The following PMEPA1 variants were observed in gnomAD, a reference collection of about 807,000 sequenced individuals.
The protein encoded by PMEPA1 is protein TMEPAI.
A neutral mutation model predicts 23.0 loss-of-function variants in PMEPA1; 11 were observed. The observed-to-expected ratio is 0.48, with a 90% confidence interval of 0.30 to 0.79. The LOEUF is 0.79. Among genes scored for constraint, PMEPA1 ranks in the 30% least tolerant of loss-of-function variants. The pLI, the probability that PMEPA1 is intolerant of heterozygous loss-of-function variation, is 0.06. For missense variants in PMEPA1, 377 were observed against 390.9 expected (o/e 0.96, Z 0.30); for synonymous variants, 204 against 166.4 (o/e 1.23, Z -1.74).
chr20:57,678,430 C>T (rs538518108), intron 1 of PMEPA1, among the ~76,000 whole-genome samples: 23 of 152,340 alleles, frequency 1.5e-4, no homozygotes, highest in African/African-American at 4.3e-4. Context: ...CCAGAATCGC[C>T]CTGGCAGAGG....
chr20:57,709,902 C>G lies in PMEPA1; in HGVS notation c.-320G>C, dbSNP rs1316741869. 2.3e-5 allele frequency: 23 copies of G among 1,009,178 alleles called. No homozygotes were observed. Among genetic ancestry groups the G allele is most frequent in the Non-Finnish European group, 2.7e-5 (23 of 848,730 alleles). The allele number at this position is 1,009,178 out of a possible 1,614,324, so 62.5% of individuals were successfully genotyped here. A position where few individuals can be genotyped will look rare whatever the true frequency, so the allele number is the denominator to read the frequency against. On this transcript the variant is annotated 5_prime_UTR_variant, in exon 1 of 4. Coordinates refer to ENST00000341744, the MANE Select transcript of PMEPA1 (RefSeq NM_020182.5). ...GGCTGAGCCTCTGCCGCTAGCTTTCCCCAGCCGAGCGCCTCCGCCGCCGCC... is the reference window on the plus strand; with the variant it reads ...GGCTGAGCCTCTGCCGCTAGCTTTCGCCAGCCGAGCGCCTCCGCCGCCGCC...
At chr20:57,702,705 C>T (rs1182460822) in intron 1 of PMEPA1, among the ~76,000 whole-genome samples, 2 of 152,182 alleles carry the variant, frequency 1.3e-5, no homozygotes, top group African/African-American at 2.4e-5. Context: ...TGTGTGACCT[C>T]GAGCAAGTAT....
intron 1 of PMEPA1, among the ~76,000 whole-genome samples, chr20:57,701,314 A>T (rs867499450): frequency 6.6e-6 from 1 of 152,274 alleles, no homozygotes; most frequent in African/African-American, 2.4e-5. Flanking sequence ...AGCAAACTCC[A>T]CCTTCCTCCG....
intron 1 of PMEPA1, among the ~76,000 whole-genome samples, chr20:57,668,904 A>G (rs203396): frequency 0.29 from 44,279 of 151,966 alleles, 8,336 homozygotes; most frequent in African/African-American, 0.54. Flanking sequence ...TCCCTGCCTC[A>G]GACTAAAACA....
intron 1 of PMEPA1, among the ~76,000 whole-genome samples, chr20:57,699,647 A>C (rs2071985343): frequency 6.6e-6 from 1 of 152,234 alleles, no homozygotes; most frequent in African/African-American, 2.4e-5. Context: ...GGCAACTGAG[A>C]CCACTGGTGC....
rs1469260090 is a variant in PMEPA1, at chr20:57,704,730, G to A, written c.109+4744C>T. Among the ~76,000 whole-genome samples the A allele has an allele frequency of 5.3e-5, 8 of 152,292 alleles. No individual in the cohort carries two copies. Among genetic ancestry groups the A allele is most frequent in the African/African-American group, 7.2e-5 (3 of 41,576 alleles). On this transcript the variant is annotated intron_variant, in intron 1 of 3. Transcript: ENST00000341744. This position sits in a 1 kb window ranked among gnomAD's most constrained non-coding sequence, Gnocchi z 4.6. The stretch of plus-strand genomic sequence containing the variant: ...TTAAACTATTGACCGGACTATAAAC[G>A]TTTAAACCCCCTGGCCCTGGGCCAC...
chr20:57,686,262 C>T (rs2071799953), intron 1 of PMEPA1, among the ~76,000 whole-genome samples: 1 of 152,220 alleles, frequency 6.6e-6, no homozygotes, highest in South Asian at 2.1e-4. Flanking sequence ...GACCTGCTGC[C>T]TGCCAGATGC....
chr20:57,705,267 G>C (rs565520868), intron 1 of PMEPA1, among the ~76,000 whole-genome samples: 1 of 152,374 alleles, frequency 6.6e-6, no homozygotes, highest in East Asian at 1.9e-4. Flanking sequence ...ACACTGGGCA[G>C]TGTAGCTGGC....
Position 57,683,562 on chromosome 20 carries a change from T to TGTGCGTGC in PMEPA1, c.110-23866_110-23865insGCACGCAC. Among the ~76,000 whole-genome samples the TGTGCGTGC allele has an allele frequency of 7.6e-6, 1 of 131,222 alleles. No homozygotes were observed. The highest frequency in any genetic ancestry group is 2.0e-4 in the East Asian group (1 of 4,944). The allele number at this position is 131,222 out of a possible 152,430, so 86.1% of individuals were successfully genotyped here. On this transcript the variant is annotated intron_variant, in intron 1 of 3. Coordinates refer to ENST00000341744, the MANE Select transcript of PMEPA1 (RefSeq NM_020182.5). The surrounding 1 kb of genome is among the most constrained non-coding windows in gnomAD (Gnocchi z 4.3). ...GTGTTCTGGCCTGTGTGCGTGTGTG[T>TGTGCGTGC]GTGTGTGTGTGTGTGTGTGTGTTTC...
intron 1 of PMEPA1, among the ~76,000 whole-genome samples, chr20:57,670,722 C>T (rs1331548242): frequency 3.3e-5 from 5 of 152,194 alleles, no homozygotes; most frequent in African/African-American, 9.7e-5. Flanking sequence ...GATCAATGAA[C>T]GGCACATACC....
intron 1 of PMEPA1, among the ~76,000 whole-genome samples, chr20:57,677,615 G>C (rs2071655727): frequency 6.6e-6 from 1 of 152,200 alleles, no homozygotes; most frequent in Non-Finnish European, 1.5e-5. Context: ...AATGGAAACT[G>C]AAGGGTCTTT....
intron 1 of PMEPA1, among the ~76,000 whole-genome samples, chr20:57,689,947 C>T (rs1568980907): frequency 6.6e-6 from 1 of 152,238 alleles, no homozygotes; most frequent in Admixed American, 6.5e-5. Flanking sequence ...GCTGCATCGC[C>T]CGGCAGCAGC....
chr20:57,653,274 C>T (rs938559776), intron 2 of PMEPA1, among the ~76,000 whole-genome samples, 188 bp from the exon 3 acceptor site: 2 of 152,168 alleles, frequency 1.3e-5, no homozygotes, highest in African/African-American at 4.8e-5. Flanking sequence ...AGCGCAATCA[C>T]CTCCTCACTG....
chr20:57,679,171 C>T lies in PMEPA1; in HGVS notation c.110-19474G>A, dbSNP rs368779285. On this transcript the variant is annotated intron_variant, in intron 1 of 3. Transcript: ENST00000341744. ...AGGGACAGCCTTTCGGAGGAGGTGG[C>T]TTTTCAGCAGAGACCTTAAATATGA... 5.9e-5 allele frequency among the ~76,000 whole-genome samples: 9 copies of T among 152,176 alleles called. No individual in the cohort carries two copies. In the East Asian group the frequency reaches 1.7e-3, roughly 29 times the overall value.
intron 1 of PMEPA1, among the ~76,000 whole-genome samples, chr20:57,676,331 A>G (rs2071635571): frequency 6.6e-6 from 1 of 152,230 alleles, no homozygotes; most frequent in Non-Finnish European, 1.5e-5. Flanking sequence ...GGACATAGGT[A>G]CTAGCTCTCG....
rs1258992779 is a variant in PMEPA1 at position 57,648,928 on chromosome 20, T to C, written c.*3125A>G. The C allele has an allele frequency of 6.6e-6, 1 of 152,154 alleles. No individual in the cohort carries two copies. Among genetic ancestry groups the C allele is most frequent in the African/African-American group, 2.4e-5 (1 of 41,446 alleles). The allele number at this position is 152,154 out of a possible 1,614,324, so 9.4% of individuals were successfully genotyped here. A position where few individuals can be genotyped will look rare whatever the true frequency, so the allele number is the denominator to read the frequency against. On this transcript the variant is annotated 3_prime_UTR_variant, in exon 4 of 4. Transcript: ENST00000341744. ...CCCCAGCCCTGATTTTTGCTACATA[T>C]GGGGTCCCTTTTCATTCTTTGCAAA...
rs545010425 is a variant in PMEPA1 at position 57,694,908 on chromosome 20, T to G, written c.109+14566A>C. Among the ~76,000 whole-genome samples, 3 of 152,364 alleles carry G rather than the reference T, an allele frequency of 2.0e-5. No individual in the cohort carries two copies. In the East Asian group the frequency reaches 5.8e-4, roughly 29 times the overall value. On this transcript the variant is annotated intron_variant, in intron 1 of 3. Transcript: ENST00000341744. The stretch of plus-strand genomic sequence containing the variant: ...AGCCGGTAAGTGAGGCTGCCATGAC[T>G]GTGACCTGGTATCCCGGTGCCACAG...
At chr20:57,676,772 C>G (rs1211513028) in intron 1 of PMEPA1, among the ~76,000 whole-genome samples, 1 of 152,184 alleles carries the variant, frequency 6.6e-6, no homozygotes, top group Non-Finnish European at 1.5e-5. Context: ...ACACAGAGAC[C>G]CTGTGGCCAA....
chr20:57,665,372 C>T (rs1031660771), intron 1 of PMEPA1, among the ~76,000 whole-genome samples: 12 of 152,154 alleles, frequency 7.9e-5, no homozygotes, highest in South Asian at 4.1e-4. Flanking sequence ...AGCTCGCCCA[C>T]GGCGTTAGTC....
Sources: allele counts gnomAD v4.1 joint callset (sites outside exome capture counted in the v4.1 genomes callset), GRCh38; gene constraint gnomAD v4.1.1; non-coding constraint Gnocchi (gnomAD v3.1); transcripts MANE v1.5; gene names NCBI Gene and HGNC (gene_info 2026-07-23, HGNC 2026-07-21).